Variants in PRKG1 observed in about 807,000 individuals in gnomAD.
The protein encoded by PRKG1 is cGMP-dependent protein kinase 1.
Under a neutral mutation model 88.1 loss-of-function variants are expected in PRKG1, and 35 were observed. That is an observed-to-expected ratio of 0.40 (90% CI 0.30 to 0.53). PRKG1 has a LOEUF of 0.53. Among genes scored for constraint, PRKG1 ranks in the 20% least tolerant of loss-of-function variants. PRKG1 has a pLI of 0.59. For synonymous variants in PRKG1, 303 were observed against 292.5 expected (o/e 1.04, Z -0.37); for missense variants, 540 against 839.8 (o/e 0.64, Z 4.41).
At chr10:52,157,279 C>CAT (rs1217098944) in intron 8 of PRKG1, among the ~76,000 whole-genome samples, 3 of 123,288 alleles carry the variant, frequency 2.4e-5, no homozygotes, top group South Asian at 2.6e-4. Flanking sequence ...CACATATATA[C>CAT]ATATATATAT....
At chr10:51,328,568 C>G (rs1486358127) in intron 2 of PRKG1, among the ~76,000 whole-genome samples, 4 of 152,096 alleles carry the variant, frequency 2.6e-5, no homozygotes, top group Non-Finnish European at 5.9e-5. Flanking sequence ...CTATTTTTAA[C>G]TTTTTGAAGA....
chr10:51,358,486 T>C (rs1029859951), intron 2 of PRKG1, among the ~76,000 whole-genome samples: 2 of 151,898 alleles, frequency 1.3e-5, no homozygotes, highest in African/African-American at 4.8e-5. Context: ...CTGGAATATA[T>C]ACTGGTGAAT....
chr10:51,474,410 T>G (rs766235423), intron 3 of PRKG1, among the ~76,000 whole-genome samples: 1 of 151,978 alleles, frequency 6.6e-6, no homozygotes, highest in Non-Finnish European at 1.5e-5. Flanking sequence ...TTTTTAAATA[T>G]TAGCACTTGG....
At chr10:51,160,876 GTGTGTGTGTGTGTGTGTGTC>G (rs1378502174) in intron 2 of PRKG1, among the ~76,000 whole-genome samples, 1 of 41,970 alleles carries the variant, frequency 2.4e-5, no homozygotes, top group Admixed American at 2.1e-4. Context: ...CTTCATGCTC[GTGTGTGTGTGTGTGTGTGTC>G]TGTGTGTGTG....
intron 3 of PRKG1, among the ~76,000 whole-genome samples, chr10:51,548,318 CAT>C (rs541198578): frequency 3.8e-4 from 58 of 152,216 alleles, no homozygotes; most frequent in African/African-American, 1.4e-3. Context: ...TTTTAAAAAA[CAT>C]AAGTTGGATT....
chr10:51,569,876 G>A lies in PRKG1; in HGVS notation c.592+102040G>A, dbSNP rs190488535. ...AGTTCTGCCAGGTGCATGGTAGGCCGGTTTTACCAGCTAGTATGGTGTATT... is the reference window on the plus strand; with the variant it reads ...AGTTCTGCCAGGTGCATGGTAGGCCAGTTTTACCAGCTAGTATGGTGTATT... On this transcript the variant is annotated intron_variant, in intron 3 of 17. Transcript: ENST00000373980. 1.1e-3 allele frequency among the ~76,000 whole-genome samples: 171 copies of A among 151,794 alleles called. 1 individual carries two copies. In the Middle Eastern group the frequency reaches 0.017, roughly 15 times the overall value.
intron 2 of PRKG1, among the ~76,000 whole-genome samples, chr10:51,217,113 T>A (rs562161453): frequency 2.0e-5 from 3 of 152,268 alleles, no homozygotes; most frequent in African/African-American, 7.2e-5. Flanking sequence ...GGAATAGCAA[T>A]AATTTGGCTG....
At chr10:52,128,382 G>A in intron 7 of PRKG1, 1 of 985,302 alleles carries the variant, frequency 1.0e-6, no homozygotes, top group Non-Finnish European at 1.2e-6. Flanking sequence ...ATCAATGAAC[G>A]CTAGAGTTCT....
chr10:51,969,935 GT>G (rs1843662774), intron 5 of PRKG1, among the ~76,000 whole-genome samples: 1 of 150,490 alleles, frequency 6.6e-6, no homozygotes, highest in Admixed American at 6.6e-5. Flanking sequence ...AAGAATACCT[GT>G]ATACTTACCA....
At chr10:51,823,517 C>T (rs1261935828) in intron 4 of PRKG1, among the ~76,000 whole-genome samples, 2 of 151,980 alleles carry the variant, frequency 1.3e-5, no homozygotes, top group African/African-American at 4.8e-5. Flanking sequence ...CTTCTGTCTT[C>T]ATATCTAGTA....
chr10:51,072,471 T>C (rs2132799023), upstream of PRKG1, among the ~76,000 whole-genome samples: 2 of 152,274 alleles, frequency 1.3e-5, no homozygotes, highest in South Asian at 4.1e-4. Flanking sequence ...TTTTTTAGAA[T>C]ACAGTGAGTT....
chr10:51,282,801 G>A (rs1021045464), intron 2 of PRKG1, among the ~76,000 whole-genome samples: 3 of 151,840 alleles, frequency 2.0e-5, no homozygotes, highest in African/African-American at 7.3e-5. Flanking sequence ...ACTACCCAGG[G>A]TACCCATCTT....
At chr10:51,405,618 C>T (rs1048855235) in intron 2 of PRKG1, among the ~76,000 whole-genome samples, 2 of 152,160 alleles carry the variant, frequency 1.3e-5, no homozygotes, top group Non-Finnish European at 2.9e-5. Context: ...GGAAATGAAG[C>T]CTTTGGCAAA....
At chr10:51,615,664 T>A (rs1226003614) in intron 3 of PRKG1, among the ~76,000 whole-genome samples, 2 of 151,796 alleles carry the variant, frequency 1.3e-5, no homozygotes, top group Non-Finnish European at 2.9e-5. Flanking sequence ...TTGGTTCTTT[T>A]TTTTTTAATG....
At chr10:51,729,170 A>T (rs1052985460) in intron 3 of PRKG1, among the ~76,000 whole-genome samples, 19 of 152,152 alleles carry the variant, frequency 1.2e-4, no homozygotes, top group Admixed American at 1.0e-3. Context: ...GGCAGTTGTG[A>T]ACTGTCCATT....
chr10:51,601,132 T>C (rs760473005), intron 3 of PRKG1, among the ~76,000 whole-genome samples: 2 of 152,120 alleles, frequency 1.3e-5, no homozygotes, highest in Non-Finnish European at 2.9e-5. Flanking sequence ...TATAATTAAT[T>C]TGAGAATAAA....
chr10:52,153,106 G>A (rs1184171639), intron 8 of PRKG1, among the ~76,000 whole-genome samples: 1 of 152,128 alleles, frequency 6.6e-6, no homozygotes, highest in East Asian at 1.9e-4. Flanking sequence ...CTAGGACAGT[G>A]CTTTTCCAAG....
At chr10:51,773,559 A>T (rs970262416) in intron 3 of PRKG1, among the ~76,000 whole-genome samples, 8 of 152,098 alleles carry the variant, frequency 5.3e-5, no homozygotes, top group African/African-American at 1.9e-4. Context: ...CATACTAGGG[A>T]TCAAAACCAG....
chr10:51,254,238 T>C (rs904762734), intron 2 of PRKG1, among the ~76,000 whole-genome samples: 1 of 152,018 alleles, frequency 6.6e-6, no homozygotes, highest in Non-Finnish European at 1.5e-5. Context: ...ATAATTTTCC[T>C]AGGAAAATTT....
Sources: gnomAD v4.1 joint callset for allele counts (sites outside exome capture counted in the v4.1 genomes callset) on GRCh38, gnomAD v4.1.1 for gene constraint, MANE v1.5 for transcripts, NCBI Gene and HGNC (gene_info 2026-07-23, HGNC 2026-07-21) for gene names.